Variants in TP73 observed in about 807,000 individuals in gnomAD.
The protein encoded by TP73 is tumor protein p73, also known as p53-like transcription factor.
In TP73, 25 loss-of-function variants were observed where a neutral mutation model predicts 62.5. That is an observed-to-expected ratio of 0.40 (90% CI 0.29 to 0.56). The LOEUF (loss-of-function observed/expected upper bound fraction) is 0.56. Among genes scored for constraint, TP73 ranks in the 20% least tolerant of loss-of-function variants. TP73 has a pLI of 0.46. For synonymous variants in TP73, 423 were observed against 377.5 expected (o/e 1.12, Z -1.40); for missense variants, 754 against 913.3 (o/e 0.83, Z 2.25).
At chr1:3,660,771 G>A (rs1462772188) in intron 1 of TP73, among the ~76,000 whole-genome samples, 1 of 152,200 alleles carries the variant, frequency 6.6e-6, no homozygotes, top group African/African-American at 2.4e-5. Context: ...ATAGTTGCTT[G>A]CAAAAGCTTT....
Position 3,732,889 on chromosome 1 carries a change from C to T in TP73, c.1721C>T (p.Ser574Leu). ...SNAATISIGGSGELQRQRVME... is the reference protein window; with the variant it reads ...SNAATISIGGLGELQRQRVME... ...GCGGCCACCATCTCCATCGGCGGCT[C>T]AGGGGAACTGCAGCGCCAGCGGGTC... The change falls in exon 14 of 14, where the codon TCA becomes TTA. Residue 574 changes from serine to leucine, a missense_variant. By Grantham distance (145) the Ser-to-Leu change is moderately radical. Around this residue, in one of 3 missense-constraint regions of TP73, gnomAD observed 458 missense variants for 528.7 expected, o/e 0.87. Coordinates refer to ENST00000378295, the MANE Select transcript of TP73 (RefSeq NM_005427.4). The T allele has an allele frequency of 1.2e-6, 2 of 1,611,550 alleles. No individual in the cohort carries two copies. The highest frequency in any genetic ancestry group is 1.7e-6 in the Non-Finnish European group (2 of 1,179,646).
chr1:3,681,881 G>T (rs1363187378), intron 1 of TP73, among the ~76,000 whole-genome samples: 3 of 108,504 alleles, frequency 2.8e-5, no homozygotes, highest in Admixed American at 1.0e-4. Flanking sequence ...TCACACACTT[G>T]TTCCGGCCCA....
At chr1:3,675,956 T>C (rs1488667735) in intron 1 of TP73, among the ~76,000 whole-genome samples, 1 of 151,762 alleles carries the variant, frequency 6.6e-6, no homozygotes, top group Non-Finnish European at 1.5e-5. Context: ...GGTCCTGGCC[T>C]GGCCTGGAGA....
intron 12 of TP73, 49 bp downstream of exon 12, chr1:3,731,114 C>A: frequency 1.3e-6 from 2 of 1,583,818 alleles, no homozygotes; most frequent in Non-Finnish European, 8.6e-7. Flanking sequence ...CCTGTCTGTT[C>A]ACCTCTGTCC....
At chr1:3,674,121 A>G (rs1181905993) in intron 1 of TP73, among the ~76,000 whole-genome samples, 1 of 152,140 alleles carries the variant, frequency 6.6e-6, no homozygotes. Flanking sequence ...GTGTTTCTAC[A>G]TTTCACTTGG....
At chr1:3,705,737 T>G (rs1639572068) in intron 3 of TP73, among the ~76,000 whole-genome samples, 1 of 152,228 alleles carries the variant, frequency 6.6e-6, no homozygotes. Flanking sequence ...GCCTCCACGT[T>G]GGACTGCACT....
chr1:3,676,980 C>G (rs893319907), intron 1 of TP73, among the ~76,000 whole-genome samples: 7 of 151,678 alleles, frequency 4.6e-5, no homozygotes, highest in African/African-American at 1.7e-4. Context: ...TGGGAATATC[C>G]TCTGGGGGTG....
intron 3 of TP73, chr1:3,690,590 A>G: frequency 2.4e-6 from 3 of 1,247,186 alleles, no homozygotes; most frequent in Non-Finnish European, 3.1e-6. Context: ...GGTCCAACAC[A>G]TCACCGGGCA....
intron 3 of TP73, among the ~76,000 whole-genome samples, chr1:3,705,232 C>T (rs1327913021): frequency 6.6e-6 from 1 of 152,218 alleles, no homozygotes; most frequent in Non-Finnish European, 1.5e-5. Flanking sequence ...CACGTGGCAG[C>T]GTGTGGGAGC....
intron 1 of TP73, among the ~76,000 whole-genome samples, chr1:3,653,294 G>A (rs1374503443): frequency 6.6e-6 from 1 of 152,240 alleles, no homozygotes; most frequent in Non-Finnish European, 1.5e-5. Flanking sequence ...GAGAAAGCCC[G>A]TGAAGAAATG....
chr1:3,715,089 C>T (rs1570575879), intron 4 of TP73, among the ~76,000 whole-genome samples: 1 of 152,284 alleles, frequency 6.6e-6, no homozygotes, highest in East Asian at 1.9e-4. Context: ...CAGGCTGGGC[C>T]ACCCAATCCC....
At chr1:3,669,511 G>A (rs1209049998) in intron 1 of TP73, among the ~76,000 whole-genome samples, 3 of 152,222 alleles carry the variant, frequency 2.0e-5, no homozygotes, top group Admixed American at 1.3e-4. Context: ...CCAAGGAGGC[G>A]CAGAGTGACT....
At chr1:3,697,357 A>C (rs35837097) in intron 3 of TP73, among the ~76,000 whole-genome samples, 5 of 152,058 alleles carry the variant, frequency 3.3e-5, no homozygotes, top group African/African-American at 9.7e-5. Context: ...CTCCCTGCAC[A>C]GGCCCTCGGC....
intron 2 of TP73, 111 bp from the exon 3 acceptor site, chr1:3,682,949 A>ATG: frequency 7.1e-7 from 1 of 1,412,210 alleles, no homozygotes; most frequent in Non-Finnish European, 9.6e-7. Flanking sequence ...AGGGCAGGAG[A>ATG]CGTAGGCCTC....
intron 3 of TP73, among the ~76,000 whole-genome samples, chr1:3,700,196 G>A (rs184923342): frequency 1.1e-4 from 16 of 144,286 alleles, no homozygotes; most frequent in African/African-American, 3.9e-4. Context: ...TGCCTTCCCC[G>A]CCTCACATCT....
At chr1:3,657,838 C>G (rs899130178) in intron 1 of TP73, among the ~76,000 whole-genome samples, 2 of 152,226 alleles carry the variant, frequency 1.3e-5, no homozygotes, top group Non-Finnish European at 1.5e-5. Flanking sequence ...ACAGACTGTT[C>G]CACACACTCC....
chr1:3,674,624 G>C (rs1645321265), intron 1 of TP73, among the ~76,000 whole-genome samples: 3 of 152,224 alleles, frequency 2.0e-5, no homozygotes, highest in African/African-American at 7.2e-5. Flanking sequence ...TGTCGGGAGG[G>C]GCAGGCAATG....
intron 1 of TP73, among the ~76,000 whole-genome samples, chr1:3,669,207 C>T (rs1489728914): frequency 2.0e-5 from 3 of 152,202 alleles, no homozygotes; most frequent in Admixed American, 2.0e-4. Flanking sequence ...CGGCCTGAGT[C>T]GGGGGGAGTC....
chr1:3,699,487 AGGAGGCCAGAG>A lies in TP73; in HGVS notation c.187-8052_187-8042del, dbSNP rs1338045032. ...CTGTCCAGGCTGGAGGGAGAAGGCC[AGGAGGCCAGAG>A]GGAGGCCAGCTGAGCCCTCAGGAGA... On this transcript the variant is annotated intron_variant, in intron 3 of 13. Transcript: ENST00000378295. This position sits in a 1 kb window ranked among gnomAD's most constrained non-coding sequence, Gnocchi z 4.1. Among the ~76,000 whole-genome samples, 1 of 152,236 alleles carries A rather than the reference AGGAGGCCAGAG, an allele frequency of 6.6e-6. No homozygotes were observed. The highest frequency in any genetic ancestry group is 6.5e-5 in the Admixed American group (1 of 15,292).
Sources: allele counts gnomAD v4.1 joint callset (sites outside exome capture counted in the v4.1 genomes callset), GRCh38; gene constraint gnomAD v4.1.1; regional missense constraint gnomAD v4.1.1; non-coding constraint Gnocchi (gnomAD v3.1); transcripts MANE v1.5; gene names NCBI Gene and HGNC (gene_info 2026-07-23, HGNC 2026-07-21).